NGEF: variants seen among roughly 807,000 people sequenced by gnomAD.
The protein encoded by NGEF is neuronal guanine nucleotide exchange factor, also known as ephexin-1.
A neutral mutation model predicts 80.9 loss-of-function variants in NGEF; 31 were observed. The observed-to-expected ratio is 0.38, with a 90% CI of 0.29 to 0.52. The LOEUF (loss-of-function observed/expected upper bound fraction) is 0.52, where lower values mean the gene tolerates loss of function less well. Among genes scored for constraint, NGEF ranks in the 20% least tolerant of loss-of-function variants. NGEF has a pLI of 0.84. For synonymous variants in NGEF, 371 were observed against 370.2 expected, an observed-to-expected ratio of 1.00 and a Z score of -0.03; for missense variants, 709 against 926.2, an observed-to-expected ratio of 0.77 and a Z score of 3.04.
chr2:232,981,279 T>C (rs1308216651), intron 1 of NGEF, among the ~76,000 whole-genome samples: 1 of 151,270 alleles, frequency 6.6e-6, no homozygotes, highest in Non-Finnish European at 1.5e-5. Context: ...GGCCAAACTA[T>C]AGGAAGGAAT....
chr2:232,893,003 G>C lies in NGEF; in HGVS notation c.1037C>G (p.Ser346Cys). 6.2e-7 allele frequency: 1 copy of C among 1,613,488 alleles called. No homozygotes were observed. Among genetic ancestry groups the C allele is most frequent in the Non-Finnish European group, 8.5e-7 (1 of 1,179,912 alleles). ...EHRMEENIVI[S>C]DVCDIVYRYA... ...ACGGTACACAATGTCACACACGTCA[G>C]AGATGACGATGTTCTCCTCCATCCG... The change falls in exon 7 of 15, where the codon TCT (serine) becomes TGT (cysteine). Residue 346 changes from serine to cysteine, a missense_variant. By Grantham distance (112) the Ser-to-Cys change is moderately radical. Coordinates refer to ENST00000264051, the MANE Select transcript of NGEF (RefSeq NM_019850.3).
chr2:232,957,988 T>C (rs1377526400), intron 3 of NGEF, among the ~76,000 whole-genome samples: 1 of 152,212 alleles, frequency 6.6e-6, no homozygotes, highest in Non-Finnish European at 1.5e-5. Context: ...TCTGAGACAG[T>C]GTAAAAATAG....
At chr2:232,936,868 A>T (rs911271963) in intron 3 of NGEF, among the ~76,000 whole-genome samples, 1 of 152,190 alleles carries the variant, frequency 6.6e-6, no homozygotes, top group Non-Finnish European at 1.5e-5. Context: ...CTGAGGGTGA[A>T]TTTGGGCACC....
intron 3 of NGEF, among the ~76,000 whole-genome samples, chr2:232,936,838 C>T (rs184259823): frequency 6.6e-6 from 1 of 152,124 alleles, no homozygotes; most frequent in Non-Finnish European, 1.5e-5. Context: ...TCTGTGAGTT[C>T]TTCTAGCAAT....
chr2:232,925,141 A>G (rs1319926054), intron 4 of NGEF, among the ~76,000 whole-genome samples: 1 of 152,214 alleles, frequency 6.6e-6, no homozygotes, highest in Non-Finnish European at 1.5e-5. Context: ...ACTTGCAATT[A>G]CCTCCAAGTG....
At chr2:232,912,095 A>G (rs1339470424) in intron 5 of NGEF, among the ~76,000 whole-genome samples, 2 of 152,194 alleles carry the variant, frequency 1.3e-5, no homozygotes, top group Non-Finnish European at 1.5e-5. Context: ...ATCTTAGGGG[A>G]AAAGCATTCA....
intron 5 of NGEF, among the ~76,000 whole-genome samples, chr2:232,906,147 C>T (rs1220349740): frequency 2.0e-4 from 15 of 76,492 alleles, no homozygotes; most frequent in African/African-American, 6.4e-4. Context: ...CCCGGCCACC[C>T]GCCCCGTCCG....
chr2:232,973,379 T>C (rs1287153516), intron 2 of NGEF, among the ~76,000 whole-genome samples: 2 of 152,220 alleles, frequency 1.3e-5, no homozygotes, highest in Non-Finnish European at 2.9e-5. Flanking sequence ...ATTTTGTTAG[T>C]GTTTGTGGTG....
At chr2:232,951,472 G>A (rs1693677761) in intron 3 of NGEF, among the ~76,000 whole-genome samples, 1 of 152,194 alleles carries the variant, frequency 6.6e-6, no homozygotes, top group Non-Finnish European at 1.5e-5. Context: ...TCTTGGCAGA[G>A]TAATTAAACT....
At chr2:232,933,314 C>T (rs1391257451) in intron 3 of NGEF, among the ~76,000 whole-genome samples, 1 of 151,926 alleles carries the variant, frequency 6.6e-6, no homozygotes, top group Non-Finnish European at 1.5e-5. Flanking sequence ...GACAGTGCAC[C>T]CACCGTCTCC....
At position 232,942,480 on chromosome 2, in the gene NGEF, G is replaced by A. The variant is rs75929783; in HGVS notation, c.384-15294C>T. 4.7e-3 allele frequency among the ~76,000 whole-genome samples: 718 copies of A among 152,318 alleles called. 7 individuals carry two copies. Among genetic ancestry groups the A allele is most frequent in the Middle Eastern group, 0.01 (3 of 294 alleles). Reference sequence around the variant, plus strand: ...AAATCGACTGATTTACAGAGACAGGGACATCTTCCAGACCCTTTTCCTTTC... The same window carrying A: ...AAATCGACTGATTTACAGAGACAGGAACATCTTCCAGACCCTTTTCCTTTC... On this transcript the variant is annotated intron_variant, in intron 3 of 14. Transcript: ENST00000264051.
intron 5 of NGEF, among the ~76,000 whole-genome samples, chr2:232,903,596 A>G (rs1559201926): frequency 6.6e-6 from 1 of 152,178 alleles, no homozygotes; most frequent in Non-Finnish European, 1.5e-5. Flanking sequence ...TAAATTTAAA[A>G]AAATGCTACC....
At chr2:232,903,194 C>T (rs112482277) in intron 5 of NGEF, among the ~76,000 whole-genome samples, 3 of 152,302 alleles carry the variant, frequency 2.0e-5, no homozygotes, top group African/African-American at 7.2e-5. Flanking sequence ...TTAGCAATTC[C>T]CTTAGCATTC....
At chr2:232,924,194 G>A (rs978414019) in intron 4 of NGEF, among the ~76,000 whole-genome samples, 1 of 152,062 alleles carries the variant, frequency 6.6e-6, no homozygotes, top group Non-Finnish European at 1.5e-5. Flanking sequence ...CCGAGATTGC[G>A]CCACTGCACT....
chr2:232,960,915 A>G (rs913278194), intron 3 of NGEF, among the ~76,000 whole-genome samples: 1 of 152,144 alleles, frequency 6.6e-6, no homozygotes, highest in Non-Finnish European at 1.5e-5. Context: ...CAGAGAATTT[A>G]ATGAGACAGT....
chr2:232,884,703 C>T (rs1691619651), intron 10 of NGEF, among the ~76,000 whole-genome samples: 1 of 152,186 alleles, frequency 6.6e-6, no homozygotes, highest in Non-Finnish European at 1.5e-5. Context: ...TGGCAGCCAT[C>T]GGTCAGCACC....
At chr2:232,959,485 T>A (rs1693900092) in intron 3 of NGEF, among the ~76,000 whole-genome samples, 1 of 152,056 alleles carries the variant, frequency 6.6e-6, no homozygotes, top group Non-Finnish European at 1.5e-5. Flanking sequence ...CAAGGAACAG[T>A]GTGGAAATGG....
At chr2:232,888,006 TACA>T in intron 9 of NGEF, 24 bp downstream of exon 9, 1 of 1,589,450 alleles carries the variant, frequency 6.3e-7, no homozygotes, top group Non-Finnish European at 8.6e-7. Flanking sequence ...TGCATTGGGA[TACA>T]GCACAAGAGG....
At chr2:232,999,487 G>C (rs1440187800) in intron 1 of NGEF, among the ~76,000 whole-genome samples, 1 of 152,222 alleles carries the variant, frequency 6.6e-6, no homozygotes, top group Non-Finnish European at 1.5e-5. Flanking sequence ...AGCCAGGTGG[G>C]AGAGGAGAGG....
Sources: gnomAD v4.1 joint callset for allele counts (sites outside exome capture counted in the v4.1 genomes callset) on GRCh38, gnomAD v4.1.1 for gene constraint, MANE v1.5 for transcripts, NCBI Gene and HGNC (gene_info 2026-07-23, HGNC 2026-07-21) for gene names.